The following DOK6 variants were observed in gnomAD, a reference collection of about 807,000 sequenced individuals.
The protein encoded by DOK6 is downstream of tyrosine kinase 6.
In DOK6, 22 loss-of-function variants were observed where a neutral mutation model predicts 44.0. That is an observed-to-expected ratio of 0.50 (90% CI 0.36 to 0.71). DOK6 has a LOEUF of 0.71. Among genes scored for constraint, DOK6 ranks in the 30% least tolerant of loss-of-function variants. DOK6 has a pLI of 0.00. For missense variants in DOK6, 340 were observed against 416.4 expected, an observed-to-expected ratio of 0.82 and a Z score of 1.60; for synonymous variants, 166 against 145.5, an observed-to-expected ratio of 1.14 and a Z score of -1.01.
At chr18:69,505,324 C>T (rs139480591) in intron 1 of DOK6, among the ~76,000 whole-genome samples, 2 of 152,056 alleles carry the variant, frequency 1.3e-5, no homozygotes, top group African/African-American at 2.4e-5. Context: ...AAGTCCACTG[C>T]GGTAACTACT....
chr18:69,658,434 A>G (rs1985425403), intron 3 of DOK6, among the ~76,000 whole-genome samples: 1 of 152,252 alleles, frequency 6.6e-6, no homozygotes, highest in Non-Finnish European at 1.5e-5. Context: ...AGTACCTGGC[A>G]CACAGTAAAT....
chr18:69,783,319 A>T (rs948509329), intron 7 of DOK6, among the ~76,000 whole-genome samples: 1 of 152,222 alleles, frequency 6.6e-6, no homozygotes, highest in Non-Finnish European at 1.5e-5. Flanking sequence ...AGAGATACAC[A>T]CACCAGATGT....
chr18:69,498,319 A>G (rs1980951604), intron 1 of DOK6, among the ~76,000 whole-genome samples: 1 of 152,184 alleles, frequency 6.6e-6, no homozygotes, highest in African/African-American at 2.4e-5. Context: ...AACAAAATAG[A>G]ACAATTCTTC....
chr18:69,411,926 A>G (rs1382412306), intron 1 of DOK6, among the ~76,000 whole-genome samples: 1 of 152,038 alleles, frequency 6.6e-6, no homozygotes, highest in Non-Finnish European at 1.5e-5. Flanking sequence ...TTTTTCTTGC[A>G]TTTCTTTCAG....
chr18:69,533,222 T>C (rs1011623959), intron 1 of DOK6, among the ~76,000 whole-genome samples: 2 of 151,352 alleles, frequency 1.3e-5, no homozygotes, highest in East Asian at 3.9e-4. Flanking sequence ...AAACTACATA[T>C]GTTCAAGCTG....
chr18:69,764,835 C>T (rs1223547709), intron 7 of DOK6, among the ~76,000 whole-genome samples: 2 of 152,088 alleles, frequency 1.3e-5, no homozygotes, highest in African/African-American at 2.4e-5. Flanking sequence ...TTGTAAAGGT[C>T]GTAGCTTTAG....
chr18:69,487,536 T>C (rs1396954473), intron 1 of DOK6, among the ~76,000 whole-genome samples: 1 of 152,152 alleles, frequency 6.6e-6, no homozygotes, highest in South Asian at 2.1e-4. Context: ...TTCATTAATA[T>C]GAGATAACCA....
At chr18:69,731,645 A>G (rs983668101) in intron 5 of DOK6, among the ~76,000 whole-genome samples, 1 of 151,658 alleles carries the variant, frequency 6.6e-6, no homozygotes, top group East Asian at 1.9e-4. Context: ...ACACATGATT[A>G]CACATGTTCT....
chr18:69,755,477 G>C (rs1979325716), intron 6 of DOK6, among the ~76,000 whole-genome samples: 1 of 152,254 alleles, frequency 6.6e-6, no homozygotes, highest in Admixed American at 6.5e-5. Flanking sequence ...ATATGAGACT[G>C]AATCTATGGA....
intron 1 of DOK6, among the ~76,000 whole-genome samples, chr18:69,473,937 C>T (rs1980188382): frequency 6.6e-6 from 1 of 151,532 alleles, no homozygotes; most frequent in African/African-American, 2.4e-5. Flanking sequence ...TGGAAGTGCA[C>T]ACCTTTCCCC....
intron 5 of DOK6, among the ~76,000 whole-genome samples, chr18:69,715,413 T>C (rs1407823803): frequency 6.6e-6 from 1 of 152,194 alleles, no homozygotes; most frequent in African/African-American, 2.4e-5. Context: ...TTTTTAAAGA[T>C]AAAGTAGAAA....
At chr18:69,559,998 G>A (rs765812354) in intron 1 of DOK6, among the ~76,000 whole-genome samples, 35 of 152,052 alleles carry the variant, frequency 2.3e-4, no homozygotes, top group Non-Finnish European at 1.6e-4. Flanking sequence ...TAGCACCTTG[G>A]GAGTTAGGGC....
intron 7 of DOK6, among the ~76,000 whole-genome samples, chr18:69,783,154 G>A (rs978005383): frequency 6.6e-6 from 1 of 152,224 alleles, no homozygotes; most frequent in African/African-American, 2.4e-5. Context: ...AGAGCAGACA[G>A]CTCCTACTGT....
At chr18:69,588,965 TCA>T (rs1983566548) in intron 2 of DOK6, among the ~76,000 whole-genome samples, 1 of 152,126 alleles carries the variant, frequency 6.6e-6, no homozygotes, top group African/African-American at 2.4e-5. Context: ...CACATGTCTG[TCA>T]CAGGTAGCTT....
At chr18:69,510,004 A>G (rs1286752863) in intron 1 of DOK6, among the ~76,000 whole-genome samples, 2 of 152,222 alleles carry the variant, frequency 1.3e-5, no homozygotes, top group Non-Finnish European at 2.9e-5. Flanking sequence ...TTATTAAATC[A>G]ATGTTGCCGC....
chr18:69,748,373 TC>T (rs554146782), intron 6 of DOK6, among the ~76,000 whole-genome samples: 2 of 150,676 alleles, frequency 1.3e-5, no homozygotes, highest in Non-Finnish European at 3.0e-5. Context: ...TGAACTCAGC[TC>T]TGGATCAAGT....
At chr18:69,672,586 G>T (rs1985827306) in intron 3 of DOK6, among the ~76,000 whole-genome samples, 1 of 151,892 alleles carries the variant, frequency 6.6e-6, no homozygotes, top group Non-Finnish European at 1.5e-5. Flanking sequence ...TCAAACTCCT[G>T]ATCTCAAGTG....
chr18:69,637,278 T>G (rs138486993), intron 3 of DOK6, among the ~76,000 whole-genome samples: 2 of 152,350 alleles, frequency 1.3e-5, no homozygotes, highest in Non-Finnish European at 2.9e-5. Flanking sequence ...GAAAATAAAT[T>G]TTCACGGTCA....
chr18:69,821,079 T>C (rs1981554278), intron 7 of DOK6, among the ~76,000 whole-genome samples: 1 of 152,182 alleles, frequency 6.6e-6, no homozygotes, highest in African/African-American at 2.4e-5. Flanking sequence ...ATATTCATTG[T>C]CCATTCCTTG....
Sources: allele counts gnomAD v4.1 joint callset (sites outside exome capture counted in the v4.1 genomes callset), GRCh38; gene constraint gnomAD v4.1.1; transcripts MANE v1.5; gene names NCBI Gene and HGNC (gene_info 2026-07-23, HGNC 2026-07-21).